The following SEPHS1 variants were observed in gnomAD, a reference collection of about 807,000 sequenced individuals.
SEPHS1 encodes the protein zincore component SEPHS1.
A neutral mutation model predicts 39.2 loss-of-function variants in SEPHS1; 7 were observed. That is an observed-to-expected ratio of 0.18 (90% CI 0.10 to 0.34). SEPHS1 has a LOEUF of 0.34. Among genes scored for constraint, SEPHS1 ranks in the 10% least tolerant of loss-of-function variants. SEPHS1 has a pLI of 1.00. For synonymous variants in SEPHS1, 190 were observed against 195.5 expected (o/e 0.97, Z 0.23); for missense variants, 253 against 514.5 (o/e 0.49, Z 4.92).
chr10:13,321,586 A>G (rs889528862), intron 8 of SEPHS1, among the ~76,000 whole-genome samples: 4 of 152,202 alleles, frequency 2.6e-5, no homozygotes, highest in African/African-American at 7.2e-5. Flanking sequence ...GTAGAAAACT[A>G]GAGTTCTAGA....
Position 13,333,850 on chromosome 10 carries a change from GC to G in SEPHS1, c.526del (p.Ala176LeufsTer24). 6.2e-7 allele frequency: 1 copy of G among 1,613,994 alleles called. No individual in the cohort carries two copies. The highest frequency in any genetic ancestry group is 8.5e-7 in the Non-Finnish European group (1 of 1,179,978). On this transcript the variant is annotated frameshift_variant, in exon 5 of 9. Coordinates refer to ENST00000327347, the MANE Select transcript of SEPHS1 (RefSeq NM_012247.5). LOFTEE classifies it high-confidence loss of function. ...TTCATTGGGTTGGCAGACAGTGGTA[GC>G]CACTCCTCCCAGGACAATCCAGGGG... ...LNPWIVLGGV[A>X]TTVCQPNEFI...
At chr10:13,336,214 C>G in intron 4 of SEPHS1, 29 bp downstream of exon 4, 2 of 1,505,256 alleles carry the variant, frequency 1.3e-6, no homozygotes, top group Non-Finnish European at 1.8e-6. Flanking sequence ...CAACACGGAC[C>G]AGGCAGCAGC....
Position 13,317,653 on chromosome 10 carries a change from C to T in SEPHS1, c.*1489G>A, listed in dbSNP as rs1478094065. On this transcript the variant is annotated 3_prime_UTR_variant, in exon 9 of 9. Coordinates refer to ENST00000327347, the MANE Select transcript of SEPHS1 (RefSeq NM_012247.5). Reference sequence around the variant, plus strand: ...GGAGGAGGGCGCGTCCGAGTTAAAGCCTCTTCCAGGAGCTTGAACTTCCCA... The same window carrying T: ...GGAGGAGGGCGCGTCCGAGTTAAAGTCTCTTCCAGGAGCTTGAACTTCCCA... The T allele has an allele frequency of 6.6e-6, 1 of 152,220 alleles. No homozygotes were observed. Among genetic ancestry groups the T allele is most frequent in the Non-Finnish European group, 1.5e-5 (1 of 68,052 alleles). 9.4% of individuals were successfully genotyped at this position (152,220 alleles called of 1,614,324 possible). A position where few individuals can be genotyped will look rare whatever the true frequency, so the allele number is the denominator to read the frequency against.
At chr10:13,319,439 T>G (rs2131679457) in intron 8 of SEPHS1, 83 bp from the exon 9 acceptor site, 1 of 1,417,628 alleles carries the variant, frequency 7.1e-7, no homozygotes, top group Non-Finnish European at 9.8e-7. Flanking sequence ...GAGATCCAAC[T>G]TCCATCAACA....
intron 5 of SEPHS1, among the ~76,000 whole-genome samples, chr10:13,333,155 T>TG (rs75146074): frequency 0.035 from 5,211 of 150,662 alleles, 126 homozygotes; most frequent in East Asian, 0.08. Flanking sequence ...TTTTTTGAGA[T>TG]GGAGTTTCGC....
At chr10:13,323,618 G>T (rs1230964973) in intron 7 of SEPHS1, among the ~76,000 whole-genome samples, 2 of 152,130 alleles carry the variant, frequency 1.3e-5, no homozygotes, top group African/African-American at 4.8e-5. Context: ...CTCCCAAAGT[G>T]CTGGGATTAC....
intron 7 of SEPHS1, among the ~76,000 whole-genome samples, chr10:13,326,682 A>G (rs918882187): frequency 5.9e-5 from 9 of 151,830 alleles, no homozygotes; most frequent in Admixed American, 1.3e-4. Flanking sequence ...CGAGTAGCTT[A>G]GACTACAGGA....
At chr10:13,331,542 C>T (rs749627655) in intron 5 of SEPHS1, among the ~76,000 whole-genome samples, 4 of 152,186 alleles carry the variant, frequency 2.6e-5, no homozygotes, top group Admixed American at 6.6e-5. Flanking sequence ...CCATCGTGCC[C>T]GGCTAATTTT....
chr10:13,336,411 G>A, intron 3 of SEPHS1, 61 bp from the exon 4 acceptor site: 1 of 1,251,472 alleles, frequency 8.0e-7, no homozygotes, highest in Non-Finnish European at 1.2e-6. Flanking sequence ...CAGAAACTGA[G>A]TGAGCCATGG....
At chr10:13,345,787 G>C (rs41291321) in intron 1 of SEPHS1, among the ~76,000 whole-genome samples, 13,797 of 152,294 alleles carry the variant, frequency 0.091, 745 homozygotes, top group African/African-American at 0.15. Flanking sequence ...TGAGGCAAGA[G>C]AATCGCTTGA....
chr10:13,327,478 T>C (rs980568691), intron 7 of SEPHS1, among the ~76,000 whole-genome samples: 2 of 152,194 alleles, frequency 1.3e-5, no homozygotes, highest in Non-Finnish European at 1.5e-5. Flanking sequence ...GGAGGGACTA[T>C]GGACAACTTT....
chr10:13,344,665 TA>T, intron 2 of SEPHS1, 92 bp downstream of exon 2: 1 of 928,708 alleles, frequency 1.1e-6, no homozygotes, highest in Non-Finnish European at 1.5e-6. Context: ...AAAGTAATAA[TA>T]AAAAATAAAT....
intron 7 of SEPHS1, among the ~76,000 whole-genome samples, chr10:13,326,114 C>G (rs928842225): frequency 6.6e-6 from 1 of 152,088 alleles, no homozygotes; most frequent in African/African-American, 2.4e-5. Flanking sequence ...TGAATGTCCA[C>G]TTGTTCCAGC....
At chr10:13,332,566 G>A (rs899532842) in intron 5 of SEPHS1, among the ~76,000 whole-genome samples, 8 of 152,138 alleles carry the variant, frequency 5.3e-5, no homozygotes, top group African/African-American at 1.9e-4. Flanking sequence ...AATGTCAGCC[G>A]GGCGCGGTGG....
Position 13,338,697 on chromosome 10 carries a change from A to G in SEPHS1, c.297+8T>C, listed in dbSNP as rs1398169467. ...TCCAGTCACAAAAACACATCGGCTCACGCTTACCATCATGTAAGGGTCGTC... is the reference window on the plus strand; with the variant it reads ...TCCAGTCACAAAAACACATCGGCTCGCGCTTACCATCATGTAAGGGTCGTC... On this transcript the variant is annotated splice_region_variant and intron_variant, in intron 3 of 8. Coordinates refer to ENST00000327347, the MANE Select transcript of SEPHS1 (RefSeq NM_012247.5). 6.2e-7 allele frequency: 1 copy of G among 1,609,110 alleles called. No homozygotes were observed. The highest frequency in any genetic ancestry group is 8.5e-7 in the Non-Finnish European group (1 of 1,175,556).
chr10:13,347,913 G>A (rs1833981841), intron 1 of SEPHS1, 87 bp downstream of exon 1: 2 of 146,460 alleles, frequency 1.4e-5, no homozygotes, highest in African/African-American at 4.9e-5. Context: ...CGGCCCGGAG[G>A]GGGATTTGCA....
chr10:13,321,432 G>C (rs1231025670), intron 8 of SEPHS1, among the ~76,000 whole-genome samples: 1 of 152,076 alleles, frequency 6.6e-6, no homozygotes, highest in Non-Finnish European at 1.5e-5. Flanking sequence ...ATTTTTAGTA[G>C]AGACAGGGTT....
At chr10:13,342,524 TG>T (rs1275541381) in intron 2 of SEPHS1, among the ~76,000 whole-genome samples, 5 of 151,922 alleles carry the variant, frequency 3.3e-5, no homozygotes, top group Admixed American at 3.3e-4. Context: ...AAGCGGAGGT[TG>T]CAGTGAGCTG....
At chr10:13,329,677 T>A in intron 6 of SEPHS1, 21 bp downstream of exon 6, 2 of 1,568,722 alleles carry the variant, frequency 1.3e-6, no homozygotes, top group Non-Finnish European at 1.7e-6. Flanking sequence ...CTCCCTCCCA[T>A]CACAGCAGTG....
Sources: gnomAD v4.1 joint callset for allele counts (sites outside exome capture counted in the v4.1 genomes callset) on GRCh38, gnomAD v4.1.1 for gene constraint, MANE v1.5 for transcripts, NCBI Gene and HGNC (gene_info 2026-07-23, HGNC 2026-07-21) for gene names.